B4GALT6: variants seen among roughly 807,000 people sequenced by gnomAD.
B4GALT6 encodes the protein UDP-Gal:beta-GlcNAc beta-1,4-galactosyltransferase 6.
B4GALT6 carries 14 observed loss-of-function variants against 46.3 expected under a neutral mutation model. That is an observed-to-expected ratio of 0.30 (90% confidence interval 0.20 to 0.47). B4GALT6 has a LOEUF of 0.47. B4GALT6 is among the 20% of genes least tolerant of loss of function. The pLI, the probability that B4GALT6 is intolerant of heterozygous loss-of-function variation, is 0.99. For synonymous variants in B4GALT6, 168 were observed against 162.0 expected, an observed-to-expected ratio of 1.04 and a Z score of -0.28; for missense variants, 386 against 480.1, an observed-to-expected ratio of 0.80 and a Z score of 1.83.
chr18:31,707,770 G>A, the B4GALT6 span, among the ~76,000 whole-genome samples: 2 of 152,086 alleles, frequency 1.3e-5, no homozygotes, highest in Non-Finnish European at 2.9e-5. Context: ...GAACTATATT[G>A]AGCAGAAAGT....
At chr18:31,696,122 G>A in the B4GALT6 span, among the ~76,000 whole-genome samples, 1 of 152,054 alleles carries the variant, frequency 6.6e-6, no homozygotes, top group Non-Finnish European at 1.5e-5. Context: ...GCAAAGAGAA[G>A]AACAATATCA....
intron 3 of B4GALT6, among the ~76,000 whole-genome samples, chr18:31,652,179 C>G (rs1319194284): frequency 2.0e-5 from 3 of 152,196 alleles, no homozygotes; most frequent in Admixed American, 1.3e-4. Context: ...ACCCCAATCT[C>G]CTTCCCTTTG....
rs577152500 is a variant in B4GALT6 at position 31,623,339 on chromosome 18, G to A, written c.*2275C>T. 2 of 152,226 alleles carry A rather than the reference G, an allele frequency of 1.3e-5. No homozygotes were observed. Among genetic ancestry groups the A allele is most frequent in the African/African-American group, 4.8e-5 (2 of 41,386 alleles). 9.4% of individuals were successfully genotyped at this position (152,226 alleles called of 1,614,324 possible). A position where few individuals can be genotyped will look rare whatever the true frequency, so the allele number is the denominator to read the frequency against. On this transcript the variant is annotated 3_prime_UTR_variant, in exon 9 of 9. Transcript: ENST00000306851. ...CAAAACAAACAAACAAAAAGCAAAC[G>A]AGGTGGTTTTCACAGGATGACAAAC...
chr18:31,718,494 C>T, the B4GALT6 span, among the ~76,000 whole-genome samples: 4 of 152,186 alleles, frequency 2.6e-5, no homozygotes, highest in African/African-American at 9.7e-5. Context: ...ATCCCAGTGG[C>T]AACCAGCCTT....
chr18:31,690,081 T>C (rs2030059616), upstream of B4GALT6, among the ~76,000 whole-genome samples: 1 of 152,206 alleles, frequency 6.6e-6, no homozygotes, highest in South Asian at 2.1e-4. Flanking sequence ...AATTAACTTA[T>C]TATGGCCAAA....
intron 2 of B4GALT6, among the ~76,000 whole-genome samples, chr18:31,663,248 C>T (rs1048765657): frequency 2.4e-4 from 36 of 152,118 alleles, no homozygotes; most frequent in Admixed American, 9.2e-4. Flanking sequence ...TGTTAGAAAC[C>T]GATGAGAGTC....
chr18:31,626,142 T>C (rs2073693410), intron 8 of B4GALT6, 141 bp downstream of exon 8: 2 of 534,960 alleles, frequency 3.7e-6, no homozygotes, highest in South Asian at 6.7e-5. Flanking sequence ...TTTGTAAAGA[T>C]TCCCTTCAGC....
chr18:31,640,395 A>C (rs1598880516), intron 4 of B4GALT6, among the ~76,000 whole-genome samples: 1 of 152,262 alleles, frequency 6.6e-6, no homozygotes, highest in East Asian at 1.9e-4. Context: ...TAGATGGCAG[A>C]AATTTTTAAA....
At chr18:31,689,228 A>T (rs547106172), upstream of B4GALT6, among the ~76,000 whole-genome samples, 2 of 152,336 alleles carry the variant, frequency 1.3e-5, no homozygotes, top group African/African-American at 4.8e-5. Flanking sequence ...GAGCTGCCAA[A>T]CAATAGCCAC....
chr18:31,626,870 C>T (rs1026122), intron 7 of B4GALT6, 129 bp downstream of exon 7: 245,222 of 693,108 alleles, frequency 0.35, 44,574 homozygotes, highest in Middle Eastern at 0.45. Flanking sequence ...AAATATAAAA[C>T]AGGGTTTAGA....
intron 5 of B4GALT6, among the ~76,000 whole-genome samples, chr18:31,634,730 G>A (rs933611500): frequency 2.6e-5 from 4 of 152,184 alleles, no homozygotes; most frequent in Non-Finnish European, 4.4e-5. Context: ...CTGGGTACCT[G>A]TCTAGCAGAA....
At chr18:31,682,045 T>C (rs559008501) in intron 1 of B4GALT6, among the ~76,000 whole-genome samples, 1 of 152,334 alleles carries the variant, frequency 6.6e-6, no homozygotes, top group African/African-American at 2.4e-5. Flanking sequence ...GTGCAATTGA[T>C]TGATTGCTGC....
chr18:31,638,297 G>C (rs917369700), intron 5 of B4GALT6, among the ~76,000 whole-genome samples: 1 of 152,118 alleles, frequency 6.6e-6, no homozygotes, highest in Non-Finnish European at 1.5e-5. Context: ...GGAGGCCGAG[G>C]GGGGTGGATC....
At chr18:31,706,621 G>A in the B4GALT6 span, among the ~76,000 whole-genome samples, 3,069 of 152,122 alleles carry the variant, frequency 0.02, 104 homozygotes, top group African/African-American at 0.063. Context: ...GCCACAGAGT[G>A]AGACTCCATT....
chr18:31,665,768 G>GAGT, intron 2 of B4GALT6, among the ~76,000 whole-genome samples: 1 of 152,118 alleles, frequency 6.6e-6, no homozygotes, highest in East Asian at 1.9e-4. Context: ...AAATAAAAAG[G>GAGT]AGTAGCTACC....
chr18:31,684,508 T>A lies in B4GALT6; in HGVS notation c.-82A>T. On this transcript the variant is annotated 5_prime_UTR_variant, in exon 1 of 9. Coordinates refer to ENST00000306851, the MANE Select transcript of B4GALT6 (RefSeq NM_004775.5). ...TGTCCAGGCCCTAAACTTCCATAAA[T>A]GTGCTGAGAACCCCGAGACTGCAGC... 1 of 1,551,420 alleles carries A rather than the reference T, an allele frequency of 6.4e-7. No individual in the cohort carries two copies. Among genetic ancestry groups the A allele is most frequent in the Non-Finnish European group, 8.7e-7 (1 of 1,149,460 alleles).
the B4GALT6 span, among the ~76,000 whole-genome samples, chr18:31,722,744 T>C: frequency 1.3e-5 from 2 of 152,276 alleles, no homozygotes; most frequent in African/African-American, 4.8e-5. Context: ...GCTATCACGG[T>C]GGGAAGAATC....
chr18:31,629,780 G>T lies in B4GALT6; in HGVS notation c.776+1179C>A, dbSNP rs545283774. 1.3e-3 allele frequency among the ~76,000 whole-genome samples: 200 copies of T among 148,930 alleles called. 1 individual carries two copies. Among genetic ancestry groups the T allele is most frequent in the South Asian group, 0.01 (47 of 4,698 alleles). ...CAGGAGAATGGCGTGAACCCGGGAGGCAGAGCTTGCAGTGAGCCGAGATCG... is the reference window on the plus strand; with the variant it reads ...CAGGAGAATGGCGTGAACCCGGGAGTCAGAGCTTGCAGTGAGCCGAGATCG... On this transcript the variant is annotated intron_variant, in intron 6 of 8. Coordinates refer to ENST00000306851, the MANE Select transcript of B4GALT6 (RefSeq NM_004775.5).
At chr18:31,631,826 C>T (rs1598869128) in intron 5 of B4GALT6, among the ~76,000 whole-genome samples, 1 of 152,158 alleles carries the variant, frequency 6.6e-6, no homozygotes, top group East Asian at 1.9e-4. Context: ...ACTTACTACA[C>T]AAAGCCCAAC....
Sources: allele counts gnomAD v4.1 joint callset (sites outside exome capture counted in the v4.1 genomes callset), GRCh38; gene constraint gnomAD v4.1.1; transcripts MANE v1.5; gene names NCBI Gene and HGNC (gene_info 2026-07-23, HGNC 2026-07-21).